The following LIMD1 variants were observed in gnomAD, a reference collection of about 807,000 sequenced individuals.
LIMD1 encodes the protein LIM domain-containing protein 1.
LIMD1 carries 23 observed loss-of-function variants against 58.4 expected under a neutral mutation model. That is an observed-to-expected ratio of 0.39 (90% CI 0.28 to 0.56). The LOEUF (loss-of-function observed/expected upper bound fraction) is 0.56, where lower values mean the gene tolerates loss of function less well. LIMD1 is among the 20% of genes least tolerant of loss of function. The pLI is 0.57. For missense variants in LIMD1, 838 were observed against 855.5 expected (o/e 0.98, Z 0.25); for synonymous variants, 334 against 345.5 (o/e 0.97, Z 0.37).
At chr3:45,611,347 A>G (rs112157474) in intron 1 of LIMD1, among the ~76,000 whole-genome samples, 3,018 of 152,300 alleles carry the variant, frequency 0.02, 91 homozygotes, top group African/African-American at 0.068. Flanking sequence ...CACTTGAAGC[A>G]GGGGGGCTCT....
At chr3:45,598,486 A>T (rs1701378739) in intron 1 of LIMD1, among the ~76,000 whole-genome samples, 1 of 152,220 alleles carries the variant, frequency 6.6e-6, no homozygotes, top group Non-Finnish European at 1.5e-5. Context: ...GACGCTACTC[A>T]TCCATTCAGC....
In LIMD1 at chr3:45,595,378, C is replaced by G. The variant is rs772274244; in HGVS notation, c.499C>G (p.Pro167Ala). Residue 167 changes from proline to alanine, a missense_variant, in exon 1 of 8, where the codon CCC becomes GCC. This residue lies in a region of LIMD1 where 659 missense variants were observed against 639.8 expected (regional missense o/e 1.03). Transcript: ENST00000273317. ...SEMSAFHQPG[P>A]CEDPSCLTHG... ...GATGTCTGCTTTCCACCAGCCAGGC[C>G]CCTGTGAGGATCCTTCCTGCCTCAC... is the stretch of plus-strand genomic sequence containing the variant. 3.7e-6 allele frequency: 6 copies of G among 1,613,838 alleles called. No homozygotes were observed. In the South Asian group the frequency reaches 6.6e-5, roughly 18 times the overall value.
chr3:45,635,305 C>T (rs982131852), intron 1 of LIMD1, among the ~76,000 whole-genome samples: 6 of 152,102 alleles, frequency 3.9e-5, no homozygotes, highest in Non-Finnish European at 7.4e-5. Flanking sequence ...GTGTTGAACT[C>T]CTGGCCTCAA....
intron 2 of LIMD1, among the ~76,000 whole-genome samples, chr3:45,650,977 C>G (rs1321731864): frequency 6.8e-6 from 1 of 146,566 alleles, no homozygotes; most frequent in Non-Finnish European, 1.5e-5. Context: ...GTTCCTGTTT[C>G]CCACATCCTC....
rs536202011 is a variant in LIMD1, at chr3:45,595,837, G to T, written c.958G>T (p.Gly320Cys). ...GLPRSNSGLGGEVSGVMSKPN... is the reference protein window; with the variant it reads ...GLPRSNSGLGCEVSGVMSKPN... ...TCCAAGATCAAACTCGGGGCTGGGGGGTGAGGTTTCAGGTGTGATGTCCAA... is the reference window on the plus strand; with the variant it reads ...TCCAAGATCAAACTCGGGGCTGGGGTGTGAGGTTTCAGGTGTGATGTCCAA... The change falls in exon 1 of 8, where the codon GGT becomes TGT. Residue 320 changes from glycine to cysteine, a missense_variant. Transcript: ENST00000273317. 2 of 1,614,200 alleles carry T rather than the reference G, an allele frequency of 1.2e-6. No homozygotes were observed. The highest frequency in any genetic ancestry group is 1.7e-5 in the Admixed American group (1 of 60,034).
intron 1 of LIMD1, among the ~76,000 whole-genome samples, chr3:45,630,175 A>C (rs1701713538): frequency 6.6e-6 from 1 of 151,870 alleles, no homozygotes; most frequent in Non-Finnish European, 1.5e-5. Flanking sequence ...TCTGTTGGGC[A>C]TTTCTTTAAA....
chr3:45,625,626 A>G (rs1297636267), intron 1 of LIMD1, among the ~76,000 whole-genome samples: 1 of 152,118 alleles, frequency 6.6e-6, no homozygotes, highest in Non-Finnish European at 1.5e-5. Flanking sequence ...TTAAGAGGTG[A>G]TTAGGTCATG....
intron 1 of LIMD1, among the ~76,000 whole-genome samples, chr3:45,597,248 C>T (rs1188917034): frequency 6.6e-6 from 1 of 152,118 alleles, no homozygotes; most frequent in African/African-American, 2.4e-5. Flanking sequence ...GGGCCCCACC[C>T]AAGACCTACT....
chr3:45,661,321 T>C (rs1332731124), intron 2 of LIMD1, among the ~76,000 whole-genome samples: 1 of 152,224 alleles, frequency 6.6e-6, no homozygotes, highest in African/African-American at 2.4e-5. Context: ...TCATCATATA[T>C]GTGAGTGTGT....
chr3:45,665,813 C>T, intron 3 of LIMD1, 96 bp downstream of exon 3: 7 of 1,037,312 alleles, frequency 6.7e-6, no homozygotes, highest in Non-Finnish European at 8.8e-6. Flanking sequence ...GGAAGCTGCA[C>T]TGCTGGAGAG....
At chr3:45,653,244 G>A (rs1701992461) in intron 2 of LIMD1, among the ~76,000 whole-genome samples, 1 of 152,238 alleles carries the variant, frequency 6.6e-6, no homozygotes, top group South Asian at 2.1e-4. Flanking sequence ...GGATGAGGAG[G>A]GAGAGAGGGT....
In LIMD1 at chr3:45,682,929, G is replaced by C. The variant is rs1014712225; in HGVS notation, c.*5870G>C. 4 of 152,254 alleles carry C rather than the reference G, an allele frequency of 2.6e-5. No individual in the cohort carries two copies. Among genetic ancestry groups the C allele is most frequent in the African/African-American group, 9.7e-5 (4 of 41,442 alleles). The allele number at this position is 152,254 out of a possible 1,614,324, so 9.4% of individuals were successfully genotyped here. A position where few individuals can be genotyped will look rare whatever the true frequency, so the allele number is the denominator to read the frequency against. ...TATATCATTCTGTCATCCTGGACAC[G>C]AGCCAAAGGTTGTCGGCAGAAGCGA... is the stretch of plus-strand genomic sequence containing the variant. On this transcript the variant is annotated 3_prime_UTR_variant, in exon 8 of 8. Transcript: ENST00000273317.
intron 2 of LIMD1, among the ~76,000 whole-genome samples, chr3:45,664,090 C>T (rs1020117760): frequency 3.3e-5 from 5 of 151,982 alleles, no homozygotes; most frequent in African/African-American, 7.3e-5. Context: ...AGGCTGATCT[C>T]GAACTCCTGA....
In LIMD1 at chr3:45,677,204, C is replaced by T; in HGVS notation, c.*145C>T. The T allele has an allele frequency of 2.4e-6, 2 of 850,612 alleles. No homozygotes were observed. The highest frequency in any genetic ancestry group is 3.6e-6 in the Non-Finnish European group (2 of 553,648). 52.7% of individuals were successfully genotyped at this position (850,612 alleles called of 1,614,324 possible). ...CTGTGAGCATGTGGGGGGTGCCTTTCCTTTAACCAGGGAGGTGAACACTAC... is the reference window on the plus strand; with the variant it reads ...CTGTGAGCATGTGGGGGGTGCCTTTTCTTTAACCAGGGAGGTGAACACTAC... On this transcript the variant is annotated 3_prime_UTR_variant, in exon 8 of 8. Transcript: ENST00000273317.
intron 1 of LIMD1, among the ~76,000 whole-genome samples, chr3:45,627,368 G>A (rs368946641): frequency 1.3e-5 from 2 of 152,178 alleles, no homozygotes; most frequent in African/African-American, 2.4e-5. Flanking sequence ...CTGATTTTGC[G>A]CATTAGATTT....
At chr3:45,596,657 T>C (rs1701358847) in intron 1 of LIMD1, among the ~76,000 whole-genome samples, 1 of 152,026 alleles carries the variant, frequency 6.6e-6, no homozygotes, top group African/African-American at 2.4e-5. Context: ...GGACCAGCTT[T>C]CTCAGGGGCA....
Position 45,679,533 on chromosome 3 carries a change from G to A in LIMD1, c.*2474G>A, listed in dbSNP as rs770290129. The A allele has an allele frequency of 6.6e-6, 1 of 152,160 alleles. No homozygotes were observed. The highest frequency in any genetic ancestry group is 6.5e-5 in the Admixed American group (1 of 15,282). 9.4% of individuals were successfully genotyped at this position (152,160 alleles called of 1,614,324 possible). A position where few individuals can be genotyped will look rare whatever the true frequency, so the allele number is the denominator to read the frequency against. ...AGGACTTGGTAGGCCAGGAAGAAAA[G>A]ATTTTAAAATTTAGAATGAATAGCC... On this transcript the variant is annotated 3_prime_UTR_variant, in exon 8 of 8. Coordinates refer to ENST00000273317, the MANE Select transcript of LIMD1 (RefSeq NM_014240.3).
chr3:45,656,456 G>GAAA (rs11348607), intron 2 of LIMD1, among the ~76,000 whole-genome samples: 1 of 110,128 alleles, frequency 9.1e-6, no homozygotes, highest in South Asian at 2.9e-4. Flanking sequence ...TTCTCCATCA[G>GAAA]AAAAAAAAAA....
chr3:45,655,177 C>T (rs915346854), intron 2 of LIMD1, among the ~76,000 whole-genome samples: 1 of 152,180 alleles, frequency 6.6e-6, no homozygotes, highest in Non-Finnish European at 1.5e-5. Context: ...ACCTCAGCCT[C>T]CCAAAGTGCT....
Sources: allele counts gnomAD v4.1 joint callset (sites outside exome capture counted in the v4.1 genomes callset), GRCh38; gene constraint gnomAD v4.1.1; regional missense constraint gnomAD v4.1.1; transcripts MANE v1.5; gene names NCBI Gene and HGNC (gene_info 2026-07-23, HGNC 2026-07-21).